Variants in NEDD4 observed in about 807,000 individuals in gnomAD.
The protein encoded by NEDD4 is NEDD4 E3 ubiquitin protein ligase.
A neutral mutation model predicts 144.9 loss-of-function variants in NEDD4; 99 were observed. The ratio of observed to expected loss-of-function variants is 0.68; its 90% CI spans 0.58 to 0.81. The LOEUF (loss-of-function observed/expected upper bound fraction) is 0.81, where lower values mean the gene tolerates loss of function less well. Ranked by LOEUF, NEDD4 falls within the 30% of genes least tolerant of loss-of-function variation. NEDD4 has a pLI of 0.00. For synonymous variants in NEDD4, 318 were observed against 350.6 expected (o/e 0.91, Z 1.04); for missense variants, 985 against 1,065.9 (o/e 0.92, Z 1.06).
intron 5 of NEDD4, among the ~76,000 whole-genome samples, chr15:55,875,831 T>C (rs181306602): frequency 8.6e-5 from 13 of 151,828 alleles, no homozygotes; most frequent in Admixed American, 6.5e-4. Context: ...GGATAGGTAA[T>C]AGGGCAGAAA....
Position 55,834,290 on chromosome 15 carries a change from G to T in NEDD4, c.2263-4C>A, listed in dbSNP as rs1566896311. On this transcript the variant is annotated splice_polypyrimidine_tract_variant and splice_region_variant and intron_variant, in intron 24 of 28. Coordinates refer to ENST00000435532, the MANE Select transcript of NEDD4 (RefSeq NM_006154.4). ...GTGGTATTAGTTCAAAGAATCCCTA[G>T]AAAAAAGATGTATTTAAAAACTTGA... 1.3e-6 allele frequency: 2 copies of T among 1,592,932 alleles called. No homozygotes were observed. The highest frequency in any genetic ancestry group is 4.5e-5 in the East Asian group (2 of 44,728).
chr15:55,873,074 C>G (rs748593765), intron 6 of NEDD4, among the ~76,000 whole-genome samples: 3 of 152,114 alleles, frequency 2.0e-5, no homozygotes, highest in Non-Finnish European at 4.4e-5. Flanking sequence ...GTTAACTACC[C>G]AGTCTGCCTT....
intron 5 of NEDD4, among the ~76,000 whole-genome samples, chr15:55,876,868 T>C (rs1213828565): frequency 1.3e-5 from 2 of 152,006 alleles, no homozygotes; most frequent in Non-Finnish European, 2.9e-5. Flanking sequence ...ACTTTTTTTT[T>C]CTTTTTTCTT....
intron 5 of NEDD4, among the ~76,000 whole-genome samples, chr15:55,911,310 G>C (rs932246669): frequency 5.9e-5 from 9 of 152,048 alleles, no homozygotes; most frequent in African/African-American, 1.9e-4. Flanking sequence ...AAAGTGTCCA[G>C]CCCAATATAA....
intron 5 of NEDD4, chr15:55,915,463 T>C: frequency 6.2e-7 from 1 of 1,613,780 alleles, no homozygotes; most frequent in African/African-American, 1.3e-5. Context: ...CCCAATGAAA[T>C]ACTTCTTCGT....
At chr15:55,976,327 AC>A (rs2037699166) in intron 1 of NEDD4, among the ~76,000 whole-genome samples, 1 of 152,324 alleles carries the variant, frequency 6.6e-6, no homozygotes, top group Admixed American at 6.5e-5. Context: ...AAACTATCCA[AC>A]AAGAGACTAA....
chr15:55,973,959 GAATAT>G (rs1404234368), intron 1 of NEDD4, among the ~76,000 whole-genome samples: 26 of 151,850 alleles, frequency 1.7e-4, no homozygotes, highest in African/African-American at 5.8e-4. Context: ...AATTGAAACA[GAATAT>G]AATACAAAGA....
At chr15:55,933,208 C>G (rs188256873) in intron 4 of NEDD4, among the ~76,000 whole-genome samples, 20,356 of 151,920 alleles carry the variant, frequency 0.13, 1,477 homozygotes, top group East Asian at 0.32. Context: ...ATAAATCATG[C>G]TGCTATAAAG....
chr15:55,968,828 A>G (rs1595881676), intron 1 of NEDD4, among the ~76,000 whole-genome samples: 1 of 152,356 alleles, frequency 6.6e-6, no homozygotes, highest in East Asian at 1.9e-4. Flanking sequence ...AACAGTATTT[A>G]CAGGAGCATT....
At chr15:55,873,834 TCAATA>T (rs2034893900) in intron 6 of NEDD4, 119 bp downstream of exon 6, 1 of 438,506 alleles carries the variant, frequency 2.3e-6, no homozygotes, top group Non-Finnish European at 4.0e-6. Context: ...AACAGTATGC[TCAATA>T]AATAAAAGTA....
At chr15:55,948,018 G>C (rs1250765527) in intron 4 of NEDD4, among the ~76,000 whole-genome samples, 2 of 152,162 alleles carry the variant, frequency 1.3e-5, no homozygotes, top group African/African-American at 4.8e-5. Context: ...AATTGTCCCT[G>C]TTTGCAGATG....
chr15:55,932,923 C>T (rs2036811204), intron 4 of NEDD4, among the ~76,000 whole-genome samples: 1 of 152,200 alleles, frequency 6.6e-6, no homozygotes, highest in Non-Finnish European at 1.5e-5. Flanking sequence ...TGAAAAAATG[C>T]TCATCATCAC....
Position 55,886,197 on chromosome 15 carries a change from A to T in NEDD4, c.292-12189T>A, listed in dbSNP as rs533737787. Among the ~76,000 whole-genome samples, 85 of 152,310 alleles carry T rather than the reference A, an allele frequency of 5.6e-4. 1 individual carries two copies. The highest frequency in any genetic ancestry group is 2.0e-3 in the African/African-American group (83 of 41,562). On this transcript the variant is annotated intron_variant, in intron 5 of 28. Transcript: ENST00000435532. The stretch of plus-strand genomic sequence containing the variant: ...CCAACACTGGAGCACTCAGATATAA[A>T]AAGAAAATATTATTAGCGATAAAGA...
intron 1 of NEDD4, among the ~76,000 whole-genome samples, chr15:55,969,528 G>C (rs541010334): frequency 6.6e-6 from 1 of 152,224 alleles, no homozygotes; most frequent in East Asian, 1.9e-4. Flanking sequence ...CAGGAGGAGA[G>C]GTAAGAGTAG....
chr15:55,943,386 G>A (rs1294099559), intron 4 of NEDD4, among the ~76,000 whole-genome samples: 1 of 152,192 alleles, frequency 6.6e-6, no homozygotes, highest in African/African-American at 2.4e-5. Context: ...TAGAAGGGAA[G>A]AATGATTTCA....
intron 4 of NEDD4, among the ~76,000 whole-genome samples, chr15:55,933,446 G>C (rs547490321): frequency 1.4e-4 from 20 of 148,058 alleles, no homozygotes; most frequent in East Asian, 6.1e-4. Context: ...ACCAAACACC[G>C]CATGTTCTCA....
chr15:55,966,513 C>T lies in NEDD4; in HGVS notation c.79G>A (p.Ala27Thr). ...TCCTTCTTGGCAAGGCCTATTCCGG[C>T]TATAACTCTTACTCTCACAATTCGT... is the stretch of plus-strand genomic sequence containing the variant. ...NSRIVRVRVIAGIGLAKKDIL... is the reference protein window; with the variant it reads ...NSRIVRVRVITGIGLAKKDIL... Residue 27 changes from alanine to threonine, a missense_variant, in exon 2 of 29, where the codon GCC becomes ACC. By Grantham distance (58) the Ala-to-Thr change is moderately conservative. Transcript: ENST00000435532. The T allele has an allele frequency of 6.5e-7, 1 of 1,534,962 alleles. No individual in the cohort carries two copies. The highest frequency in any genetic ancestry group is 8.8e-7 in the Non-Finnish European group (1 of 1,140,752).
intron 5 of NEDD4, among the ~76,000 whole-genome samples, chr15:55,904,310 T>C (rs2036014024): frequency 6.6e-6 from 1 of 152,052 alleles, no homozygotes; most frequent in Admixed American, 6.6e-5. Flanking sequence ...TTTATTTTAT[T>C]TCATTTTTTT....
chr15:55,954,262 C>G (rs1010542439), intron 2 of NEDD4, among the ~76,000 whole-genome samples: 1 of 152,162 alleles, frequency 6.6e-6, no homozygotes, highest in Non-Finnish European at 1.5e-5. Flanking sequence ...GCTCCTCATA[C>G]CACTCGAACT....
Sources: gnomAD v4.1 joint callset for allele counts (sites outside exome capture counted in the v4.1 genomes callset) on GRCh38, gnomAD v4.1.1 for gene constraint, MANE v1.5 for transcripts, NCBI Gene and HGNC (gene_info 2026-07-23, HGNC 2026-07-21) for gene names.